Variants in TMEM164 observed in about 807,000 individuals in gnomAD.
The protein encoded by TMEM164 is transmembrane protein 164.
Under a neutral mutation model 18.8 loss-of-function variants are expected in TMEM164, and 4 were observed. That is an observed-to-expected ratio of 0.21 (90% CI 0.10 to 0.49). The LOEUF (loss-of-function observed/expected upper bound fraction) is 0.49, where lower values mean the gene tolerates loss of function less well. Among genes scored for constraint, TMEM164 ranks in the 20% least tolerant of loss-of-function variants. The probability of loss-of-function intolerance (pLI) is 0.98; values close to 1 mark genes in which losing one functional copy is unlikely to be tolerated. For missense variants in TMEM164, 108 were observed against 239.9 expected (o/e 0.45, Z 3.63); for synonymous variants, 86 against 101.7 (o/e 0.85, Z 0.93).
chrX:110,161,026 T>TA (rs1281952026), intron 5 of TMEM164, among the ~76,000 whole-genome samples: 2 of 112,271 alleles, frequency 1.8e-5, no homozygotes, highest in Admixed American at 9.4e-5. Context: ...TGTTTTGAAA[T>TA]ACAGGCAATT....
In TMEM164 at chrX:110,176,479, G is replaced by A. The variant is rs754182351; in HGVS notation, c.*3028G>A. 1.7e-4 allele frequency: 123 copies of A among 734,709 alleles called. No individual in the cohort carries two copies. The highest frequency in any genetic ancestry group is 1.8e-4 in the Non-Finnish European group (113 of 621,416). The allele number at this position is 734,709 out of a possible 1,213,427, so 60.5% of individuals were successfully genotyped here. A position where few individuals can be genotyped will look rare whatever the true frequency, so the allele number is the denominator to read the frequency against. ...TCTCTCTCTCTCCTCAAACTTCATC[G>A]CATTCATAGAAGCTGCTTGCAGGGT... On this transcript the variant is annotated 3_prime_UTR_variant, in exon 7 of 7. Coordinates refer to ENST00000372068, the MANE Select transcript of TMEM164 (RefSeq NM_032227.4).
At chrX:110,084,723 C>T (rs769115117) in intron 3 of TMEM164, among the ~76,000 whole-genome samples, 75 of 108,174 alleles carry the variant, frequency 6.9e-4, no homozygotes, top group African/African-American at 2.4e-3. Context: ...ACTTTGATCT[C>T]CCCATTTGGT....
rs748235473 is a variant in TMEM164 at position 110,156,710 on chromosome X, T to G, written c.586+11834T>G. 2.7e-5 allele frequency among the ~76,000 whole-genome samples: 3 copies of G among 111,847 alleles called. No individual in the cohort carries two copies. In the East Asian group the frequency reaches 8.4e-4, roughly 31 times the overall value. ...TCAAGGTACCAGAAGATTCAGTGTC[T>G]GGTAAGGGCCTGTTCCTCCTAGATG... On this transcript the variant is annotated intron_variant, in intron 5 of 6. Transcript: ENST00000372068.
At chrX:110,069,570 CT>C (rs72102436) in intron 3 of TMEM164, among the ~76,000 whole-genome samples, 40,930 of 91,125 alleles carry the variant, frequency 0.45, 8,470 homozygotes, top group Non-Finnish European at 0.6. Flanking sequence ...TTTATATTGA[CT>C]TTTTTTTTTT....
downstream of TMEM164, among the ~76,000 whole-genome samples, chrX:110,181,957 G>A (rs2067325441): frequency 8.9e-6 from 1 of 112,055 alleles, no homozygotes; most frequent in African/African-American, 3.3e-5. Flanking sequence ...TCTGTGGTGT[G>A]TATGTGAGTG....
chrX:110,055,343 A>G, intron 2 of TMEM164: 2 of 383,330 alleles, frequency 5.2e-6, no homozygotes, highest in Non-Finnish European at 1.0e-5. Context: ...ATGGCTATGC[A>G]CTGCACAACC....
At chrX:110,112,218 A>C in intron 4 of TMEM164, among the ~76,000 whole-genome samples, 1 of 111,683 alleles carries the variant, frequency 9.0e-6, no homozygotes, top group Non-Finnish European at 1.9e-5. Context: ...CTGTAATCCC[A>C]GCTACTTGGG....
chrX:110,018,340 T>C (rs1222712572), intron 2 of TMEM164, among the ~76,000 whole-genome samples: 2 of 111,912 alleles, frequency 1.8e-5, no homozygotes, highest in Non-Finnish European at 3.8e-5. Context: ...TGGGTCCTGG[T>C]TGTAGGTTCA....
At chrX:110,124,447 T>TG (rs2066501705) in intron 4 of TMEM164, among the ~76,000 whole-genome samples, 4 of 111,256 alleles carry the variant, frequency 3.6e-5, no homozygotes, top group African/African-American at 9.8e-5. Flanking sequence ...CCCACACGCC[T>TG]AGGACCTTGA....
At position 110,117,534 on chromosome X, in the gene TMEM164, A is replaced by T. The variant is rs2066387934; in HGVS notation, c.507+8388A>T. On this transcript the variant is annotated intron_variant, in intron 4 of 6. Coordinates refer to ENST00000372068, the MANE Select transcript of TMEM164 (RefSeq NM_032227.4). ...GGGCATGGATACCCCAAATACCCTGACTTGATCATTGCACATTCTATGCAT... is the reference window on the plus strand; with the variant it reads ...GGGCATGGATACCCCAAATACCCTGTCTTGATCATTGCACATTCTATGCAT... Among the ~76,000 whole-genome samples, 3 of 112,419 alleles carry T rather than the reference A, an allele frequency of 2.7e-5. No individual in the cohort carries two copies. The South Asian group carries it at 1.1e-3, about 41-fold the overall frequency.
At chrX:110,012,444 A>C (rs1163960228) in intron 2 of TMEM164, among the ~76,000 whole-genome samples, 1 of 111,875 alleles carries the variant, frequency 8.9e-6, no homozygotes. Flanking sequence ...CAGGGAGAGG[A>C]TGAGTTTTAA....
chrX:110,127,572 T>TA (rs1298017137), intron 4 of TMEM164, among the ~76,000 whole-genome samples: 3 of 112,228 alleles, frequency 2.7e-5, no homozygotes, highest in Admixed American at 9.4e-5. Context: ...CTTCCAAAGA[T>TA]GGAAGTGAGA....
chrX:110,095,613 G>A (rs1376677785), intron 3 of TMEM164, among the ~76,000 whole-genome samples: 3 of 111,734 alleles, frequency 2.7e-5, no homozygotes, highest in Non-Finnish European at 3.8e-5. Flanking sequence ...GCTTCTTTGC[G>A]ATGGGTTCGA....
At chrX:110,120,555 C>T (rs1021287330) in intron 4 of TMEM164, among the ~76,000 whole-genome samples, 4 of 112,085 alleles carry the variant, frequency 3.6e-5, no homozygotes, top group Non-Finnish European at 7.5e-5. Context: ...TCAAATCAAT[C>T]TTGTTAGCAT....
At chrX:110,098,099 C>A (rs1195737650) in intron 3 of TMEM164, among the ~76,000 whole-genome samples, 1 of 112,144 alleles carries the variant, frequency 8.9e-6, no homozygotes, top group Admixed American at 9.4e-5. Flanking sequence ...AACCACTGAC[C>A]AGCTCTGCAA....
At chrX:110,142,831 A>G (rs919302914) in intron 4 of TMEM164, among the ~76,000 whole-genome samples, 9 of 113,019 alleles carry the variant, frequency 8.0e-5, no homozygotes, top group African/African-American at 2.9e-4. Flanking sequence ...TTGTAACTGC[A>G]ATGCTTAACT....
chrX:110,100,717 G>A (rs893299614), intron 3 of TMEM164, among the ~76,000 whole-genome samples: 20 of 110,074 alleles, frequency 1.8e-4, no homozygotes, highest in African/African-American at 6.3e-4. Context: ...GACTACAGGC[G>A]CCCACCACCT....
intron 2 of TMEM164, among the ~76,000 whole-genome samples, chrX:110,014,744 C>CTTTTTTTTTTTTTTTTTTT (rs142705177): frequency 1.8e-5 from 1 of 54,237 alleles, no homozygotes; most frequent in Non-Finnish European, 3.2e-5. Flanking sequence ...TTGGTTGTTT[C>CTTTTTTTTTTTTTTTTTTT]TTTTTTTTTT....
At chrX:110,162,916 C>T (rs886632118) in intron 5 of TMEM164, among the ~76,000 whole-genome samples, 4 of 112,226 alleles carry the variant, frequency 3.6e-5, no homozygotes, top group Non-Finnish European at 7.5e-5. Context: ...TCCCTGCCCC[C>T]ATCCAATCAG....
Sources: gnomAD v4.1 joint callset for allele counts (sites outside exome capture counted in the v4.1 genomes callset) on GRCh38, gnomAD v4.1.1 for gene constraint, MANE v1.5 for transcripts, NCBI Gene and HGNC (gene_info 2026-07-23, HGNC 2026-07-21) for gene names.